Variants in SUMF1 observed in about 807,000 individuals in gnomAD.
SUMF1 encodes formylglycine-generating enzyme.
SUMF1 carries 48 observed loss-of-function variants against 47.6 expected under a neutral mutation model. The observed-to-expected ratio is 1.01, with a 90% CI of 0.80 to 1.28. The LOEUF (loss-of-function observed/expected upper bound fraction) is 1.28. Ranked by LOEUF, SUMF1 falls within the 50% of genes most tolerant of loss-of-function variation. SUMF1 has a pLI of 0.00. For missense variants in SUMF1, 571 were observed against 485.4 expected (o/e 1.18, Z -1.66); for synonymous variants, 230 against 192.1 (o/e 1.20, Z -1.63).
At chr3:4,426,636 T>C (rs1236672905) in intron 3 of SUMF1, among the ~76,000 whole-genome samples, 1 of 152,214 alleles carries the variant, frequency 6.6e-6, no homozygotes, top group Non-Finnish European at 1.5e-5. Flanking sequence ...TTGTGACATC[T>C]ATAATTCCTT....
rs756946738 is a variant in SUMF1, at chr3:4,313,192, TG to T, written c.1014+63137del. ...AGTGTTCAAGACGCATAAAAAAGGC[TG>T]GGGACTTCGTACCTTGGAATTTATA... is the stretch of plus-strand genomic sequence containing the variant. On this transcript the variant is annotated intron_variant and NMD_transcript_variant, in intron 8 of 12. Coordinates refer to the SUMF1 transcript ENST00000448413. The T allele has an allele frequency of 1.7e-4, 282 of 1,613,884 alleles. 1 individual carries two copies. Among genetic ancestry groups the T allele is most frequent in the Non-Finnish European group, 2.3e-4 (277 of 1,179,980 alleles).
chr3:4,319,742 A>G (rs1409259973), intron 8 of SUMF1, among the ~76,000 whole-genome samples: 1 of 152,190 alleles, frequency 6.6e-6, no homozygotes, highest in Non-Finnish European at 1.5e-5. Flanking sequence ...ATTGGTTAAA[A>G]CTTGAAGCAA....
intron 8 of SUMF1, among the ~76,000 whole-genome samples, chr3:4,212,263 C>G (rs772482510): frequency 6.6e-6 from 1 of 152,150 alleles, no homozygotes; most frequent in Non-Finnish European, 1.5e-5. Flanking sequence ...GTTCTGCAGC[C>G]TCCACTGGTG....
intron 3 of SUMF1, among the ~76,000 whole-genome samples, chr3:4,424,669 C>T (rs1339179468): frequency 6.6e-6 from 1 of 152,160 alleles, no homozygotes; most frequent in East Asian, 1.9e-4. Context: ...TATCAAAATA[C>T]ACTCTGACAT....
chr3:4,436,623 G>A (rs984670295), intron 3 of SUMF1, among the ~76,000 whole-genome samples: 1 of 151,250 alleles, frequency 6.6e-6, no homozygotes, highest in Non-Finnish European at 1.5e-5. Context: ...ACTTCCCAAT[G>A]TATGGGTTAA....
At chr3:4,301,330 A>G (rs1403667918) in intron 8 of SUMF1, among the ~76,000 whole-genome samples, 2 of 152,212 alleles carry the variant, frequency 1.3e-5, no homozygotes, top group Admixed American at 1.3e-4. Context: ...AAAAGAGACC[A>G]AGGAAATAGG....
intron 8 of SUMF1, among the ~76,000 whole-genome samples, chr3:4,340,319 T>C (rs1699244912): frequency 6.6e-6 from 1 of 152,138 alleles, no homozygotes; most frequent in Non-Finnish European, 1.5e-5. Flanking sequence ...TTCTGACCAT[T>C]CACATTGTGC....
intron 8 of SUMF1, among the ~76,000 whole-genome samples, chr3:4,099,665 G>C (rs977428368): frequency 6.6e-6 from 1 of 151,908 alleles, no homozygotes; most frequent in Non-Finnish European, 1.5e-5. Context: ...AATATGAATT[G>C]AAATTGTCTG....
chr3:4,183,751 G>A (rs897686371), intron 8 of SUMF1, among the ~76,000 whole-genome samples: 1 of 152,124 alleles, frequency 6.6e-6, no homozygotes, highest in Non-Finnish European at 1.5e-5. Context: ...TCTTGGATAT[G>A]CAAAACCAAT....
intron 8 of SUMF1, among the ~76,000 whole-genome samples, chr3:4,113,054 A>T (rs1693346175): frequency 6.6e-6 from 1 of 152,184 alleles, no homozygotes; most frequent in Non-Finnish European, 1.5e-5. Flanking sequence ...AAGCTGATTT[A>T]AAATGAGATT....
Position 4,092,092 on chromosome 3 carries a change from T to A in SUMF1, c.1015-23347A>T, listed in dbSNP as rs573408247. 2.6e-5 allele frequency among the ~76,000 whole-genome samples: 4 copies of A among 152,188 alleles called. No individual in the cohort carries two copies. In the East Asian group the frequency reaches 5.8e-4, roughly 22 times the overall value. On this transcript the variant is annotated intron_variant and NMD_transcript_variant, in intron 8 of 12. Transcript: ENST00000448413. ...GCTTCTACTTGGCCTGATGTATTAT[T>A]GTATAGGCCAACTATCAACAATCAA...
chr3:4,278,617 A>G (rs1246197206), intron 8 of SUMF1, among the ~76,000 whole-genome samples: 1 of 152,096 alleles, frequency 6.6e-6, no homozygotes, highest in Admixed American at 6.6e-5. Context: ...AAAACAGACA[A>G]CAGAAACCGT....
intron 7 of SUMF1, among the ~76,000 whole-genome samples, chr3:4,397,051 C>T (rs1197358309): frequency 6.6e-6 from 1 of 152,194 alleles, no homozygotes; most frequent in Admixed American, 6.5e-5. Context: ...AGATGGAATG[C>T]AGTAGACTGC....
intron 8 of SUMF1, among the ~76,000 whole-genome samples, chr3:4,134,118 C>A (rs1693861740): frequency 6.6e-6 from 1 of 152,098 alleles, no homozygotes; most frequent in Admixed American, 6.5e-5. Flanking sequence ...CCACGCAGAC[C>A]TAATAGACAT....
intron 8 of SUMF1, among the ~76,000 whole-genome samples, chr3:4,335,966 A>AAAAAAC (rs1553558788): frequency 7.6e-5 from 11 of 144,982 alleles, no homozygotes; most frequent in African/African-American, 2.9e-4. Flanking sequence ...AACTCAAAAA[A>AAAAAAC]AAAAAAAAAA....
intron 8 of SUMF1, chr3:4,316,706 G>A (rs1031562015): frequency 9.0e-6 from 14 of 1,550,876 alleles, no homozygotes; most frequent in Middle Eastern, 1.7e-4. Context: ...ATGACAACCG[G>A]CGACGATCAG....
At chr3:4,462,560 C>T (rs762101659) in intron 1 of SUMF1, among the ~76,000 whole-genome samples, 3 of 152,106 alleles carry the variant, frequency 2.0e-5, no homozygotes, top group East Asian at 1.9e-4. Context: ...CACTTGCTAC[C>T]GTAAGATTTT....
chr3:4,285,971 A>G (rs558158550), intron 8 of SUMF1, among the ~76,000 whole-genome samples: 1 of 152,162 alleles, frequency 6.6e-6, no homozygotes, highest in Admixed American at 6.5e-5. Flanking sequence ...GTCCCCCACC[A>G]AGCAAGAAAT....
rs529693564 is a variant in SUMF1, at chr3:4,302,986, T to G, written c.1014+73344A>C. ...CAACTTCCCGGCAAGCCGCAGACCTTTAGAAACCTTGGTGTGCGTTTCCCC... is the reference window on the plus strand; with the variant it reads ...CAACTTCCCGGCAAGCCGCAGACCTGTAGAAACCTTGGTGTGCGTTTCCCC... On this transcript the variant is annotated intron_variant and NMD_transcript_variant, in intron 8 of 12. Transcript: ENST00000448413. Among the ~76,000 whole-genome samples, 29 of 152,182 alleles carry G rather than the reference T, an allele frequency of 1.9e-4. No homozygotes were observed. In the South Asian group the frequency reaches 5.8e-3, roughly 30 times the overall value.
Sources: gnomAD v4.1 joint callset for allele counts (sites outside exome capture counted in the v4.1 genomes callset) on GRCh38, gnomAD v4.1.1 for gene constraint, MANE v1.5 for transcripts, NCBI Gene and HGNC (gene_info 2026-07-23, HGNC 2026-07-21) for gene names.